Variants in SEPTIN9 observed in about 807,000 individuals in gnomAD.
The protein encoded by SEPTIN9 is septin-9.
SEPTIN9 carries 13 observed loss-of-function variants against 56.6 expected under a neutral mutation model. The ratio of observed to expected loss-of-function variants is 0.23; its 90% CI spans 0.15 to 0.37. SEPTIN9 has a LOEUF of 0.37. Among genes scored for constraint, SEPTIN9 ranks in the 10% least tolerant of loss-of-function variants. SEPTIN9 has a pLI of 1.00. For synonymous variants in SEPTIN9, 332 were observed against 334.1 expected, an observed-to-expected ratio of 0.99 and a Z score of 0.07; for missense variants, 650 against 823.1, an observed-to-expected ratio of 0.79 and a Z score of 2.57.
At chr17:77,359,049 A>G (rs2034338507) in intron 2 of SEPTIN9, among the ~76,000 whole-genome samples, 1 of 152,114 alleles carries the variant, frequency 6.6e-6, no homozygotes, top group South Asian at 2.1e-4. Context: ...CTCCAGCCAG[A>G]GGGAAGGGAA....
chr17:77,458,027 G>A (rs1050839050), intron 3 of SEPTIN9, among the ~76,000 whole-genome samples: 1 of 152,190 alleles, frequency 6.6e-6, no homozygotes, highest in African/African-American at 2.4e-5. Flanking sequence ...CCTGAAGGGG[G>A]GCTGGATTTT....
At chr17:77,474,379 ATCTT>A (rs2039126420) in intron 3 of SEPTIN9, among the ~76,000 whole-genome samples, 1 of 152,246 alleles carries the variant, frequency 6.6e-6, no homozygotes, top group African/African-American at 2.4e-5. Flanking sequence ...TGGTACCATC[ATCTT>A]TCTTGCAAGG....
chr17:77,474,363 A>G (rs1255933549), intron 3 of SEPTIN9, among the ~76,000 whole-genome samples: 1 of 152,242 alleles, frequency 6.6e-6, no homozygotes, highest in Non-Finnish European at 1.5e-5. Flanking sequence ...AGCCCGGCCC[A>G]GTAGCTGGTA....
At chr17:77,370,958 A>G (rs1358778933) in intron 2 of SEPTIN9, among the ~76,000 whole-genome samples, 1 of 152,246 alleles carries the variant, frequency 6.6e-6, no homozygotes, top group African/African-American at 2.4e-5. Context: ...TTGTCCTTGA[A>G]TGTGGAAAAG....
chr17:77,484,658 GTGA>G (rs2039622499), intron 4 of SEPTIN9, among the ~76,000 whole-genome samples: 1 of 147,696 alleles, frequency 6.8e-6, no homozygotes, highest in Non-Finnish European at 1.5e-5. Flanking sequence ...GGTGGTGGTG[GTGA>G]TTGTGATGGT....
At chr17:77,438,697 C>T (rs762877164) in intron 3 of SEPTIN9, among the ~76,000 whole-genome samples, 1 of 152,204 alleles carries the variant, frequency 6.6e-6, no homozygotes. Flanking sequence ...GCCCTGTGGA[C>T]ACCTTCCCTG....
chr17:77,455,674 C>T lies in SEPTIN9; in HGVS notation c.722-26470C>T, dbSNP rs559372222. ...CCCCAGCGGGCGGGGTTGATGGTGC[C>T]GTCTCTCTCTCTGTCACTAGAACGG... On this transcript the variant is annotated intron_variant, in intron 3 of 11. Coordinates refer to ENST00000427177, the MANE Select transcript of SEPTIN9 (RefSeq NM_001113491.2). Among the ~76,000 whole-genome samples, 41 of 152,284 alleles carry T rather than the reference C, an allele frequency of 2.7e-4. 1 individual carries two copies. In the South Asian group the frequency reaches 6.0e-3, roughly 22 times the overall value.
In SEPTIN9 at chr17:77,492,215, C is replaced by G. The variant is rs1296001938; in HGVS notation, c.1381-406C>G. Among the ~76,000 whole-genome samples, 1 of 152,142 alleles carries G rather than the reference C, an allele frequency of 6.6e-6. No individual in the cohort carries two copies. The highest frequency in any genetic ancestry group is 1.5e-5 in the Non-Finnish European group (1 of 68,028). On this transcript the variant is annotated intron_variant, in intron 8 of 11. Transcript: ENST00000427177. The surrounding 1 kb of genome is among the most constrained non-coding windows in gnomAD (Gnocchi z 5.4). ...TTCTGTTGCACGTACCCATGTCGGG[C>G]TGCTGGCAGGGAGCTGAGAGGTTAC...
At chr17:77,384,759 G>A (rs896651508) in intron 2 of SEPTIN9, among the ~76,000 whole-genome samples, 12 of 151,930 alleles carry the variant, frequency 7.9e-5, no homozygotes, top group Admixed American at 1.3e-4. Flanking sequence ...TCGAGAGAAC[G>A]GGCCCAAAAT....
chr17:77,438,920 C>T (rs1433427730), intron 3 of SEPTIN9, among the ~76,000 whole-genome samples: 1 of 152,188 alleles, frequency 6.6e-6, no homozygotes, highest in African/African-American at 2.4e-5. Context: ...GGAAAGGTCT[C>T]CCATGTCTGT....
chr17:77,493,176 C>T, intron 10 of SEPTIN9, 100 bp downstream of exon 10: 1 of 904,010 alleles, frequency 1.1e-6, no homozygotes, highest in Non-Finnish European at 1.8e-6. Flanking sequence ...ACTCGTGGAA[C>T]CTCATCCACT....
In SEPTIN9 at chr17:77,425,550, T is replaced by G. The variant is rs1274408535; in HGVS notation, c.721+22847T>G. Among the ~76,000 whole-genome samples, 4 of 152,126 alleles carry G rather than the reference T, an allele frequency of 2.6e-5. No individual in the cohort carries two copies. The highest frequency in any genetic ancestry group is 5.9e-5 in the Non-Finnish European group (4 of 68,012). ...GGAGCTGCAGCTGAGCTGGCGGGCC[T>G]CGCACACCCCCAAGGCCGCCTGACT... is the stretch of plus-strand genomic sequence containing the variant. On this transcript the variant is annotated intron_variant, in intron 3 of 11. Coordinates refer to ENST00000427177, the MANE Select transcript of SEPTIN9 (RefSeq NM_001113491.2). This position sits in a 1 kb window ranked among gnomAD's most constrained non-coding sequence, Gnocchi z 4.2.
chr17:77,407,849 C>T (rs1019871611), intron 3 of SEPTIN9, among the ~76,000 whole-genome samples: 9 of 152,212 alleles, frequency 5.9e-5, no homozygotes, highest in Admixed American at 5.9e-4. Flanking sequence ...GGCCTTGCCT[C>T]CTCTCCTGGA....
rs138992829 is a variant in SEPTIN9, at chr17:77,450,860, C to T, written c.722-31284C>T. 2.3e-4 allele frequency: 220 copies of T among 966,992 alleles called. No homozygotes were observed. In the African/African-American group the frequency reaches 3.7e-3, roughly 16 times the overall value. The allele number at this position is 966,992 out of a possible 1,614,324, so 59.9% of individuals were successfully genotyped here. ...TTCCATGGTCCCAGCCAGCAAGCACCTGGGGTAGAGGGGACAAACCCAGGT... is the reference window on the plus strand; with the variant it reads ...TTCCATGGTCCCAGCCAGCAAGCACTTGGGGTAGAGGGGACAAACCCAGGT... On this transcript the variant is annotated intron_variant, in intron 3 of 11. Coordinates refer to ENST00000427177, the MANE Select transcript of SEPTIN9 (RefSeq NM_001113491.2). The surrounding 1 kb of genome is among the most constrained non-coding windows in gnomAD (Gnocchi z 6.0).
intron 3 of SEPTIN9, among the ~76,000 whole-genome samples, chr17:77,441,074 A>C (rs1398932763): frequency 6.6e-6 from 1 of 152,170 alleles, no homozygotes; most frequent in African/African-American, 2.4e-5. Context: ...GCGTTTTCTC[A>C]GCCTCTGGTG....
rs2032567462 is a variant in SEPTIN9 at position 77,313,091 on chromosome 17, C to G, written c.76+5894C>G. On this transcript the variant is annotated intron_variant, in intron 2 of 11. Coordinates refer to ENST00000427177, the MANE Select transcript of SEPTIN9 (RefSeq NM_001113491.2). This position sits in a 1 kb window ranked among gnomAD's most constrained non-coding sequence, Gnocchi z 4.5. ...TACTGAGCAAGCAGGATGAAAGACA[C>G]CCGCTCTCGGGGGAGTCTTCCGTTG... is the stretch of plus-strand genomic sequence containing the variant. 6.6e-6 allele frequency among the ~76,000 whole-genome samples: 1 copy of G among 152,190 alleles called. No homozygotes were observed. Among genetic ancestry groups the G allele is most frequent in the Non-Finnish European group, 1.5e-5 (1 of 68,030 alleles).
At chr17:77,495,573 A>G (rs369122415) in intron 10 of SEPTIN9, among the ~76,000 whole-genome samples, 3 of 152,174 alleles carry the variant, frequency 2.0e-5, no homozygotes, top group Admixed American at 1.3e-4. Context: ...TCCACATTTT[A>G]TGGATGAGGA....
intron 1 of SEPTIN9, among the ~76,000 whole-genome samples, chr17:77,297,090 A>C (rs944023894): frequency 5.9e-5 from 9 of 152,186 alleles, no homozygotes; most frequent in Admixed American, 3.9e-4. Context: ...GGAATTTATT[A>C]GGGGAATTGG....
At chr17:77,497,093 A>G in intron 10 of SEPTIN9, 2 of 626,184 alleles carry the variant, frequency 3.2e-6, no homozygotes, top group South Asian at 1.8e-5. Context: ...GCTGTCCAGG[A>G]GCAGGAGCTG....
Sources: allele counts gnomAD v4.1 joint callset (sites outside exome capture counted in the v4.1 genomes callset), GRCh38; gene constraint gnomAD v4.1.1; non-coding constraint Gnocchi (gnomAD v3.1); transcripts MANE v1.5; gene names NCBI Gene and HGNC (gene_info 2026-07-23, HGNC 2026-07-21).